The following CELF2 variants were observed in gnomAD, a reference collection of about 807,000 sequenced individuals.
CELF2 encodes CUG triplet repeat RNA-binding protein 2.
Under a neutral mutation model 62.6 loss-of-function variants are expected in CELF2, and 8 were observed. That is an observed-to-expected ratio of 0.13 (90% CI 0.07 to 0.23). The LOEUF (loss-of-function observed/expected upper bound fraction) is 0.23, where lower values mean the gene tolerates loss of function less well. Ranked by LOEUF, CELF2 falls within the 10% of genes least tolerant of loss-of-function variation. The probability of loss-of-function intolerance (pLI) is 1.00; values close to 1 mark genes in which losing one functional copy is unlikely to be tolerated. For synonymous variants in CELF2, 258 were observed against 250.0 expected (o/e 1.03, Z -0.30); for missense variants, 333 against 671.0 (o/e 0.50, Z 5.56).
rs942747201 is a variant in CELF2 at position 11,268,506 on chromosome 10, G to T, written c.618+1829G>T. On this transcript the variant is annotated intron_variant, in intron 6 of 12. Coordinates refer to ENST00000633077, the MANE Select transcript of CELF2 (RefSeq NM_001326342.2). The surrounding 1 kb of genome is among the most constrained non-coding windows in gnomAD (Gnocchi z 4.7). ...ACTCTGGATCATAAAGCAGAACTGG[G>T]CATGAACCAGGCTGAGAAACAGTAG... Among the ~76,000 whole-genome samples, 3 of 152,174 alleles carry T rather than the reference G, an allele frequency of 2.0e-5. No homozygotes were observed. Among genetic ancestry groups the T allele is most frequent in the Non-Finnish European group, 2.9e-5 (2 of 68,036 alleles).
At chr10:11,241,963 C>A (rs1457418516) in intron 3 of CELF2, among the ~76,000 whole-genome samples, 1 of 152,156 alleles carries the variant, frequency 6.6e-6, no homozygotes, top group African/African-American at 2.4e-5. Context: ...ACAAGCGAGA[C>A]ACAAGTATTC....
the CELF2 span, among the ~76,000 whole-genome samples, chr10:10,523,516 A>G: frequency 2.0e-5 from 3 of 152,130 alleles, no homozygotes; most frequent in Non-Finnish European, 4.4e-5. Flanking sequence ...AGGTGGTGAA[A>G]CCTTGTAAGC....
At chr10:10,795,386 A>C (rs1427115200), upstream of CELF2, among the ~76,000 whole-genome samples, 1 of 152,196 alleles carries the variant, frequency 6.6e-6, no homozygotes, top group Non-Finnish European at 1.5e-5. Context: ...GAACTCTTAC[A>C]ATTTATAGAG....
chr10:10,734,410 T>C, the CELF2 span, among the ~76,000 whole-genome samples: 2 of 152,208 alleles, frequency 1.3e-5, no homozygotes, highest in Non-Finnish European at 2.9e-5. Context: ...CCACTGTCCA[T>C]ACACATCTGG....
intron 1 of CELF2, among the ~76,000 whole-genome samples, chr10:11,153,185 G>A (rs768303067): frequency 6.6e-6 from 1 of 152,106 alleles, no homozygotes; most frequent in African/African-American, 2.4e-5. Context: ...CCACATTTAA[G>A]CCATTCTAGA....
At chr10:11,134,189 A>T (rs2060050687) in intron 1 of CELF2, among the ~76,000 whole-genome samples, 1 of 152,176 alleles carries the variant, frequency 6.6e-6, no homozygotes, top group African/African-American at 2.4e-5. Flanking sequence ...AAGCTAAGGG[A>T]TTAGAGGAGA....
At chr10:10,752,704 A>G in the CELF2 span, among the ~76,000 whole-genome samples, 56 of 144,960 alleles carry the variant, frequency 3.9e-4, no homozygotes, top group Middle Eastern at 3.5e-3. Flanking sequence ...AAAAAAAAAA[A>G]AAAGAAAGAA....
At chr10:10,919,433 C>T (rs143806465) in intron 1 of CELF2, among the ~76,000 whole-genome samples, 22 of 152,264 alleles carry the variant, frequency 1.4e-4, no homozygotes, top group African/African-American at 5.1e-4. Context: ...CTTCAACAGT[C>T]CTAAATGGTA....
At chr10:10,711,027 G>A in the CELF2 span, among the ~76,000 whole-genome samples, 1 of 152,000 alleles carries the variant, frequency 6.6e-6, no homozygotes, top group African/African-American at 2.4e-5. Context: ...TTGATATTTT[G>A]GTCCAGAGAA....
chr10:10,693,900 CT>C, the CELF2 span, among the ~76,000 whole-genome samples: 1 of 151,966 alleles, frequency 6.6e-6, no homozygotes, highest in East Asian at 1.9e-4. Flanking sequence ...ATTCTTCTCT[CT>C]TTTTTTCTTT....
At chr10:10,959,900 A>G (rs940994042) in intron 2 of CELF2, among the ~76,000 whole-genome samples, 27 of 152,226 alleles carry the variant, frequency 1.8e-4, no homozygotes, top group African/African-American at 6.3e-4. Flanking sequence ...TTCCTTTTCA[A>G]TTAGCACCAG....
the CELF2 span, among the ~76,000 whole-genome samples, chr10:10,656,035 A>G: frequency 2.7e-5 from 4 of 150,640 alleles, no homozygotes; most frequent in East Asian, 3.9e-4. Flanking sequence ...AGAAAAAAAA[A>G]CAACCCCATC....
At chr10:11,263,392 C>T (rs184915231) in intron 5 of CELF2, among the ~76,000 whole-genome samples, 8 of 152,014 alleles carry the variant, frequency 5.3e-5, no homozygotes, top group Admixed American at 5.2e-4. Context: ...AAAACTCCCT[C>T]CCCACCAAAA....
intron 1 of CELF2, among the ~76,000 whole-genome samples, chr10:11,038,146 TC>T (rs1461848781): frequency 1.3e-5 from 2 of 152,192 alleles, no homozygotes; most frequent in Non-Finnish European, 2.9e-5. Flanking sequence ...GTCCCACTGT[TC>T]CCTGGAGATG....
At chr10:10,815,519 T>G (rs1189402092) in intron 1 of CELF2, among the ~76,000 whole-genome samples, 1 of 152,208 alleles carries the variant, frequency 6.6e-6, no homozygotes, top group African/African-American at 2.4e-5. Context: ...TCTTCCCTCA[T>G]TACAGAAGAC....
Position 11,321,037 on chromosome 10 carries a change from A to G in CELF2, c.1097-152A>G. The G allele has an allele frequency of 7.6e-7, 1 of 1,315,078 alleles. No homozygotes were observed. Among genetic ancestry groups the G allele is most frequent in the Non-Finnish European group, 1.1e-6 (1 of 947,988 alleles). 81.5% of individuals were successfully genotyped at this position (1,315,078 alleles called of 1,614,324 possible). ...CCCCATTATCACGATTTATTTCTTCATGGTTTCATTTTTAGTTTCCTGTCA... is the reference window on the plus strand; with the variant it reads ...CCCCATTATCACGATTTATTTCTTCGTGGTTTCATTTTTAGTTTCCTGTCA... On this transcript the variant is annotated intron_variant, in intron 10 of 12. Coordinates refer to ENST00000633077, the MANE Select transcript of CELF2 (RefSeq NM_001326342.2). The surrounding 1 kb of genome is among the most constrained non-coding windows in gnomAD (Gnocchi z 6.2).
Position 11,314,312 on chromosome 10 carries a change from C to G in CELF2, c.1096+54C>G. 1 of 1,613,410 alleles carries G rather than the reference C, an allele frequency of 6.2e-7. No individual in the cohort carries two copies. The highest frequency in any genetic ancestry group is 1.3e-5 in the African/African-American group (1 of 75,052). On this transcript the variant is annotated intron_variant, in intron 10 of 12. Coordinates refer to ENST00000633077, the MANE Select transcript of CELF2 (RefSeq NM_001326342.2). The surrounding 1 kb of genome is among the most constrained non-coding windows in gnomAD (Gnocchi z 5.3). ...CTGGTGGACAGCCTTCCCCCAAATTCTCCACAGAAAGTGGTCAGCCAGAAA... is the reference window on the plus strand; with the variant it reads ...CTGGTGGACAGCCTTCCCCCAAATTGTCCACAGAAAGTGGTCAGCCAGAAA...
chr10:11,201,535 C>CT (rs1214135079), intron 2 of CELF2, among the ~76,000 whole-genome samples: 4 of 152,364 alleles, frequency 2.6e-5, no homozygotes, highest in Admixed American at 6.5e-5. Context: ...GCACAGGTCA[C>CT]TTCCACTTGT....
chr10:10,610,249 C>A, the CELF2 span, among the ~76,000 whole-genome samples: 1 of 152,290 alleles, frequency 6.6e-6, no homozygotes, highest in Admixed American at 6.5e-5. Flanking sequence ...CAACCTCCAG[C>A]ATTACTAATT....
Sources: gnomAD v4.1 joint callset for allele counts (sites outside exome capture counted in the v4.1 genomes callset) on GRCh38, gnomAD v4.1.1 for gene constraint, Gnocchi (gnomAD v3.1) non-coding constraint, MANE v1.5 for transcripts, NCBI Gene and HGNC (gene_info 2026-07-23, HGNC 2026-07-21) for gene names.